DIAPH3: variants seen among roughly 807,000 people sequenced by gnomAD.
The protein encoded by DIAPH3 is diaphanous related formin 3.
Under a neutral mutation model 144.3 loss-of-function variants are expected in DIAPH3, and 117 were observed. That is an observed-to-expected ratio of 0.81 (90% CI 0.70 to 0.95). The LOEUF (loss-of-function observed/expected upper bound fraction) is 0.95. DIAPH3 is among the 40% of genes least tolerant of loss of function. The pLI is 0.00. For synonymous variants in DIAPH3, 519 were observed against 488.9 expected, an observed-to-expected ratio of 1.06 and a Z score of -0.81; for missense variants, 1,421 against 1,412.7, an observed-to-expected ratio of 1.01 and a Z score of -0.09.
chr13:59,682,559 T>A (rs1441055967), intron 27 of DIAPH3, among the ~76,000 whole-genome samples: 3 of 152,232 alleles, frequency 2.0e-5, no homozygotes, highest in African/African-American at 7.2e-5. Flanking sequence ...TAGGACACTA[T>A]TCTTCTATTA....
intron 27 of DIAPH3, among the ~76,000 whole-genome samples, chr13:59,766,221 T>C (rs1593793883): frequency 6.6e-6 from 1 of 152,174 alleles, no homozygotes; most frequent in Admixed American, 6.5e-5. Context: ...TTGCCCTTTT[T>C]CACAGGGCCC....
intron 2 of DIAPH3, among the ~76,000 whole-genome samples, chr13:60,127,188 G>A (rs555762590): frequency 4.6e-5 from 7 of 151,882 alleles, no homozygotes; most frequent in African/African-American, 1.7e-4. Flanking sequence ...GCATTAAAGG[G>A]ATAAGAAAAT....
At chr13:59,954,881 C>T (rs939325076) in intron 17 of DIAPH3, among the ~76,000 whole-genome samples, 5 of 151,872 alleles carry the variant, frequency 3.3e-5, no homozygotes, top group African/African-American at 1.2e-4. Flanking sequence ...TGGTGCTGAA[C>T]CATTAGAAAC....
At chr13:59,998,035 C>A (rs146745887) in intron 9 of DIAPH3, among the ~76,000 whole-genome samples, 261 of 152,168 alleles carry the variant, frequency 1.7e-3, no homozygotes, top group African/African-American at 5.9e-3. Context: ...TCTCTTTGCA[C>A]AATTAAATTT....
intron 21 of DIAPH3, among the ~76,000 whole-genome samples, chr13:59,869,791 T>C (rs149827245): frequency 6.6e-6 from 1 of 152,300 alleles, no homozygotes; most frequent in African/African-American, 2.4e-5. Context: ...CACCTATACG[T>C]TTTGATGGGT....
At chr13:59,906,597 A>C (rs2046753434) in intron 20 of DIAPH3, among the ~76,000 whole-genome samples, 1 of 152,218 alleles carries the variant, frequency 6.6e-6, no homozygotes, top group African/African-American at 2.4e-5. Context: ...AGCTGCACAA[A>C]GTTTAAAAGC....
At chr13:60,115,217 T>A (rs1005785608) in intron 2 of DIAPH3, among the ~76,000 whole-genome samples, 2 of 152,194 alleles carry the variant, frequency 1.3e-5, no homozygotes, top group Non-Finnish European at 2.9e-5. Context: ...TCTATACAAT[T>A]CACGTATCAA....
intron 1 of DIAPH3, among the ~76,000 whole-genome samples, chr13:60,138,071 G>A (rs1303090439): frequency 1.3e-5 from 2 of 152,076 alleles, no homozygotes; most frequent in Non-Finnish European, 2.9e-5. Context: ...CCAACATGAG[G>A]AAAACTTGTA....
intron 4 of DIAPH3, among the ~76,000 whole-genome samples, chr13:60,086,483 A>C (rs1445997953): frequency 2.0e-5 from 3 of 152,182 alleles, no homozygotes. Flanking sequence ...AAGCAGGCAA[A>C]GCATCATAAG....
At chr13:60,068,758 G>C (rs1803100247) in intron 4 of DIAPH3, among the ~76,000 whole-genome samples, 1 of 152,102 alleles carries the variant, frequency 6.6e-6, no homozygotes, top group African/African-American at 2.4e-5. Context: ...TTCTGTTCCT[G>C]CATCACTTTG....
At chr13:59,949,184 T>C (rs1056905149) in intron 17 of DIAPH3, among the ~76,000 whole-genome samples, 3 of 152,136 alleles carry the variant, frequency 2.0e-5, no homozygotes, top group African/African-American at 7.2e-5. Flanking sequence ...GCTGCGAATC[T>C]CCTATTTTTC....
At chr13:60,023,180 C>G (rs2054142379) in intron 5 of DIAPH3, among the ~76,000 whole-genome samples, 1 of 152,144 alleles carries the variant, frequency 6.6e-6, no homozygotes, top group African/African-American at 2.4e-5. Context: ...ACCTGAAGAT[C>G]TTTTGGTGGG....
At chr13:60,094,505 G>A (rs969749596) in intron 3 of DIAPH3, among the ~76,000 whole-genome samples, 1 of 152,162 alleles carries the variant, frequency 6.6e-6, no homozygotes, top group Admixed American at 6.5e-5. Context: ...GGCGCCTGAG[G>A]TAAGACAGAA....
intron 25 of DIAPH3, among the ~76,000 whole-genome samples, chr13:59,799,851 T>C (rs1367495696): frequency 1.3e-5 from 2 of 152,218 alleles, no homozygotes; most frequent in Non-Finnish European, 2.9e-5. Context: ...GTTTGATCTT[T>C]ATGAAAAGCA....
At chr13:60,026,730 C>T (rs146155635) in intron 5 of DIAPH3, among the ~76,000 whole-genome samples, 1 of 152,072 alleles carries the variant, frequency 6.6e-6, no homozygotes, top group South Asian at 2.1e-4. Context: ...CAAAGTGTCT[C>T]TCTCTCTCTC....
intron 25 of DIAPH3, among the ~76,000 whole-genome samples, chr13:59,795,102 T>C (rs1260662596): frequency 6.6e-6 from 1 of 152,190 alleles, no homozygotes; most frequent in African/African-American, 2.4e-5. Flanking sequence ...AAATATTGCC[T>C]TTAAATTTGC....
rs186242492 is a variant in DIAPH3, at chr13:59,973,302, C to T, written c.1650+1050G>A. Among the ~76,000 whole-genome samples, 18 of 152,142 alleles carry T rather than the reference C, an allele frequency of 1.2e-4. No homozygotes were observed. In the East Asian group the frequency reaches 3.3e-3, roughly 28 times the overall value. On this transcript the variant is annotated intron_variant, in intron 15 of 27. Transcript: ENST00000400324. ...AAAGAAAAGAAAGTTCTTAAATTTA[C>T]GTTACCCCAGACCAAGAAAAACTTG... is the stretch of plus-strand genomic sequence containing the variant.
At chr13:60,021,363 G>A (rs983451550) in intron 5 of DIAPH3, among the ~76,000 whole-genome samples, 23 of 152,304 alleles carry the variant, frequency 1.5e-4, no homozygotes, top group African/African-American at 4.3e-4. Flanking sequence ...CCTGGCTCAC[G>A]CCTGTAATCC....
chr13:60,160,418 TC>T (rs1952237535), intron 1 of DIAPH3, among the ~76,000 whole-genome samples: 1 of 152,146 alleles, frequency 6.6e-6, no homozygotes. Context: ...ATTTACAGGC[TC>T]CCTTTGAATG....
Sources: gnomAD v4.1 joint callset for allele counts (sites outside exome capture counted in the v4.1 genomes callset) on GRCh38, gnomAD v4.1.1 for gene constraint, MANE v1.5 for transcripts, NCBI Gene and HGNC (gene_info 2026-07-23, HGNC 2026-07-21) for gene names.